ZDHHC14: variants seen among roughly 807,000 people sequenced by gnomAD.
The protein encoded by ZDHHC14 is zDHHC palmitoyltransferase 14.
In ZDHHC14, 16 loss-of-function variants were observed where a neutral mutation model predicts 47.7. The ratio of observed to expected loss-of-function variants is 0.34; its 90% confidence interval spans 0.23 to 0.51. The LOEUF (loss-of-function observed/expected upper bound fraction) is 0.51. ZDHHC14 is among the 20% of genes least tolerant of loss of function. ZDHHC14 has a pLI of 0.97. For synonymous variants in ZDHHC14, 293 were observed against 278.9 expected (o/e 1.05, Z -0.50); for missense variants, 515 against 662.5 (o/e 0.78, Z 2.44).
chr6:157,615,133 A>G (rs549819773), intron 3 of ZDHHC14, among the ~76,000 whole-genome samples: 16 of 152,298 alleles, frequency 1.1e-4, no homozygotes, highest in African/African-American at 3.6e-4. Context: ...CCGACATTCC[A>G]TAGCCGGTCC....
chr6:157,459,636 G>A (rs527325251), intron 1 of ZDHHC14, among the ~76,000 whole-genome samples: 1 of 152,246 alleles, frequency 6.6e-6, no homozygotes, highest in African/African-American at 2.4e-5. Context: ...CTCTAGAATG[G>A]GTAAGCTCAG....
At chr6:157,549,677 G>A (rs1187078240) in intron 2 of ZDHHC14, among the ~76,000 whole-genome samples, 1 of 152,178 alleles carries the variant, frequency 6.6e-6, no homozygotes, top group Non-Finnish European at 1.5e-5. Flanking sequence ...GGGAGAACTG[G>A]AAACCAGATG....
intron 3 of ZDHHC14, among the ~76,000 whole-genome samples, chr6:157,609,683 A>T (rs369259900): frequency 6.6e-6 from 1 of 152,220 alleles, no homozygotes; most frequent in Non-Finnish European, 1.5e-5. Flanking sequence ...GGGGTCACAG[A>T]ATAGGGACCA....
intron 1 of ZDHHC14, among the ~76,000 whole-genome samples, chr6:157,488,462 G>A (rs1424452754): frequency 2.6e-5 from 4 of 152,184 alleles, no homozygotes; most frequent in African/African-American, 9.7e-5. Flanking sequence ...TGTTTAACAG[G>A]CACCATCATC....
At chr6:157,495,857 A>G (rs1050709338) in intron 1 of ZDHHC14, among the ~76,000 whole-genome samples, 1 of 152,004 alleles carries the variant, frequency 6.6e-6, no homozygotes, top group Middle Eastern at 3.4e-3. Context: ...GGCATGCGCC[A>G]CCACAGCTGG....
chr6:157,654,649 C>A (rs1778000038), intron 8 of ZDHHC14, among the ~76,000 whole-genome samples: 1 of 152,080 alleles, frequency 6.6e-6, no homozygotes, highest in Admixed American at 6.5e-5. Flanking sequence ...ACTCAGCCCC[C>A]AGCAGAGATG....
At chr6:157,592,797 G>T in intron 2 of ZDHHC14, 191 bp from the exon 3 acceptor site, 1 of 1,410,504 alleles carries the variant, frequency 7.1e-7, no homozygotes, top group Non-Finnish European at 9.2e-7. Context: ...CCCTGCACGT[G>T]TGCAACGAAG....
At position 157,427,715 on chromosome 6, in the gene ZDHHC14, C is replaced by T. The variant is rs574906580; in HGVS notation, c.245+45449C>T. 1.3e-4 allele frequency among the ~76,000 whole-genome samples: 20 copies of T among 152,134 alleles called. No individual in the cohort carries two copies. In the South Asian group the frequency reaches 2.5e-3, roughly 19 times the overall value. On this transcript the variant is annotated intron_variant, in intron 1 of 8. Coordinates refer to ENST00000359775, the MANE Select transcript of ZDHHC14 (RefSeq NM_024630.3). This position sits in a 1 kb window ranked among gnomAD's most constrained non-coding sequence, Gnocchi z 4.4. ...ATTTTCTTTTCAGAAATGGCAGATGCGCTAGGGCTGTTCCTCCTGGAGTAG... is the reference window on the plus strand; with the variant it reads ...ATTTTCTTTTCAGAAATGGCAGATGTGCTAGGGCTGTTCCTCCTGGAGTAG...
chr6:157,520,834 C>A (rs1209621059), intron 1 of ZDHHC14, among the ~76,000 whole-genome samples: 1 of 152,104 alleles, frequency 6.6e-6, no homozygotes, highest in Non-Finnish European at 1.5e-5. Flanking sequence ...GGGAAACTAG[C>A]CCAGATTACT....
intron 1 of ZDHHC14, among the ~76,000 whole-genome samples, chr6:157,539,643 G>A (rs1041727012): frequency 2.0e-5 from 3 of 152,180 alleles, no homozygotes; most frequent in Admixed American, 1.3e-4. Flanking sequence ...ACCAATGCGA[G>A]TCTAGGTAGA....
At chr6:157,452,244 G>GCA (rs1778819761) in intron 1 of ZDHHC14, among the ~76,000 whole-genome samples, 1 of 76,160 alleles carries the variant, frequency 1.3e-5, no homozygotes, top group African/African-American at 3.5e-5. Context: ...AAAGTACCTA[G>GCA]TATTTTTTTT....
chr6:157,388,062 G>A (rs1777353196), intron 1 of ZDHHC14, among the ~76,000 whole-genome samples: 1 of 152,162 alleles, frequency 6.6e-6, no homozygotes. Context: ...ACATTCGGAT[G>A]TTCTCTTGGC....
At chr6:157,654,052 C>T (rs1777969218) in intron 8 of ZDHHC14, among the ~76,000 whole-genome samples, 1 of 152,146 alleles carries the variant, frequency 6.6e-6, no homozygotes, top group Non-Finnish European at 1.5e-5. Context: ...CTGGTGCTGC[C>T]GGTTCCCCTG....
rs147237120 is a variant in ZDHHC14 at position 157,625,595 on chromosome 6, C to T, written c.566-2754C>T. Among the ~76,000 whole-genome samples, 384 of 152,120 alleles carry T rather than the reference C, an allele frequency of 2.5e-3. 1 individual carries two copies. The highest frequency in any genetic ancestry group is 0.014 in the Middle Eastern group (4 of 294). ...CACAGAAAGGGAGGTGGGGAGAGCA[C>T]GCAGGCTCGAGGTGTAAGAATGTGG... is the stretch of plus-strand genomic sequence containing the variant. On this transcript the variant is annotated intron_variant, in intron 3 of 8. Transcript: ENST00000359775.
intron 2 of ZDHHC14, among the ~76,000 whole-genome samples, chr6:157,578,511 T>C (rs1783391505): frequency 6.6e-6 from 1 of 152,196 alleles, no homozygotes; most frequent in African/African-American, 2.4e-5. Flanking sequence ...TGTGTACCAT[T>C]ATTTCTGGGA....
intron 2 of ZDHHC14, among the ~76,000 whole-genome samples, chr6:157,554,364 G>A (rs191362709): frequency 3.3e-4 from 51 of 152,286 alleles, no homozygotes; most frequent in African/African-American, 1.2e-3. Context: ...TAGGCGAGAC[G>A]GCACGAGTTC....
In ZDHHC14 at chr6:157,456,421, T is replaced by A. The variant is rs1252557901; in HGVS notation, c.245+74155T>A. On this transcript the variant is annotated intron_variant, in intron 1 of 8. Transcript: ENST00000359775. ...GGCCTAGAGTCCAGGCTCTCCCTAG[T>A]CATAAGTGTGGGATGTTGCCTCCCC... Among the ~76,000 whole-genome samples the A allele has an allele frequency of 2.6e-5, 4 of 152,276 alleles. No individual in the cohort carries two copies. In the East Asian group the frequency reaches 5.8e-4, roughly 22 times the overall value.
chr6:157,408,293 C>G (rs1335169559), intron 1 of ZDHHC14, among the ~76,000 whole-genome samples: 2 of 149,676 alleles, frequency 1.3e-5, no homozygotes, highest in African/African-American at 4.9e-5. Flanking sequence ...CTCCTTTCTG[C>G]TTTTTTTTTT....
chr6:157,484,413 C>CATATAT (rs1779724796), intron 1 of ZDHHC14, among the ~76,000 whole-genome samples: 1 of 141,624 alleles, frequency 7.1e-6, no homozygotes, highest in African/African-American at 2.7e-5. Flanking sequence ...TATATGTATA[C>CATATAT]ACATATACAT....
Sources: gnomAD v4.1 joint callset for allele counts (sites outside exome capture counted in the v4.1 genomes callset) on GRCh38, gnomAD v4.1.1 for gene constraint, Gnocchi (gnomAD v3.1) non-coding constraint, MANE v1.5 for transcripts, NCBI Gene and HGNC (gene_info 2026-07-23, HGNC 2026-07-21) for gene names.